FBXL7: variants seen among roughly 807,000 people sequenced by gnomAD.
FBXL7 encodes the protein F-box/LRR-repeat protein 7.
FBXL7 carries 12 observed loss-of-function variants against 38.3 expected under a neutral mutation model. The ratio of observed to expected loss-of-function variants is 0.31; its 90% confidence interval spans 0.20 to 0.51. FBXL7 has a LOEUF of 0.51. Ranked by LOEUF, FBXL7 falls within the 20% of genes least tolerant of loss-of-function variation. The probability of loss-of-function intolerance (pLI) is 0.98; values close to 1 mark genes in which losing one functional copy is unlikely to be tolerated. For missense variants in FBXL7, 567 were observed against 676.4 expected, an observed-to-expected ratio of 0.84 and a Z score of 1.79; for synonymous variants, 297 against 300.9, an observed-to-expected ratio of 0.99 and a Z score of 0.13.
At chr5:15,625,248 T>A (rs1463021898) in intron 2 of FBXL7, among the ~76,000 whole-genome samples, 3 of 152,188 alleles carry the variant, frequency 2.0e-5, no homozygotes, top group African/African-American at 7.2e-5. Flanking sequence ...TCTTAACACA[T>A]GGCAGTCAGA....
chr5:15,881,475 T>C (rs1740448874), intron 2 of FBXL7, among the ~76,000 whole-genome samples: 1 of 152,274 alleles, frequency 6.6e-6, no homozygotes, highest in African/African-American at 2.4e-5. Flanking sequence ...CAGATTATGC[T>C]GCTATAAATA....
chr5:15,937,256 A>G lies in FBXL7; in HGVS notation c.*70A>G, dbSNP rs1279748543. On this transcript the variant is annotated 3_prime_UTR_variant, in exon 4 of 4. Transcript: ENST00000504595. ...AAGCAAATTTTTTTAAAAGCAGCGT[A>G]TGTAAGCACCGACACCCACTCAAAA... 2.8e-6 allele frequency: 4 copies of G among 1,446,280 alleles called. No homozygotes were observed. Among genetic ancestry groups the G allele is most frequent in the African/African-American group, 1.4e-5 (1 of 70,376 alleles). 89.6% of individuals were successfully genotyped at this position (1,446,280 alleles called of 1,614,324 possible). A position where few individuals can be genotyped will look rare whatever the true frequency, so the allele number is the denominator to read the frequency against.
intron 2 of FBXL7, among the ~76,000 whole-genome samples, chr5:15,650,034 C>T (rs1470582610): frequency 6.6e-6 from 1 of 152,220 alleles, no homozygotes; most frequent in Non-Finnish European, 1.5e-5. Flanking sequence ...TAGAGCCGCA[C>T]TAAAAGTCAC....
intron 2 of FBXL7, among the ~76,000 whole-genome samples, chr5:15,722,538 G>A (rs17524082): frequency 0.096 from 14,577 of 152,200 alleles, 767 homozygotes; most frequent in South Asian, 0.15. Flanking sequence ...GGGTTGGAAT[G>A]AAGTGCAGTG....
intron 2 of FBXL7, among the ~76,000 whole-genome samples, chr5:15,746,821 TAAATC>T (rs1347078440): frequency 1.3e-5 from 2 of 152,010 alleles, no homozygotes; most frequent in South Asian, 2.1e-4. Flanking sequence ...ACAATAAAAA[TAAATC>T]TAAGGGAAAA....
chr5:15,692,361 C>T (rs141255514), intron 2 of FBXL7, among the ~76,000 whole-genome samples: 705 of 152,278 alleles, frequency 4.6e-3, no homozygotes, highest in Middle Eastern at 0.024. Context: ...AAAAAGTGGA[C>T]CTTTCTAATC....
chr5:15,866,561 A>C (rs551039853), intron 2 of FBXL7, among the ~76,000 whole-genome samples: 204 of 152,244 alleles, frequency 1.3e-3, no homozygotes, highest in Middle Eastern at 3.4e-3. Flanking sequence ...TCTAAAAAAA[A>C]ATGGGATACA....
intron 2 of FBXL7, among the ~76,000 whole-genome samples, chr5:15,842,166 G>C (rs1477419825): frequency 1.3e-5 from 2 of 152,312 alleles, no homozygotes; most frequent in Non-Finnish European, 2.9e-5. Flanking sequence ...GCTGAACCCT[G>C]CAAAACCACA....
chr5:15,784,717 C>T (rs1312028709), intron 2 of FBXL7, among the ~76,000 whole-genome samples: 1 of 152,118 alleles, frequency 6.6e-6, no homozygotes, highest in African/African-American at 2.4e-5. Context: ...CCTGCTTCAC[C>T]TTCTGCTGTG....
intron 2 of FBXL7, among the ~76,000 whole-genome samples, chr5:15,731,646 T>C (rs1735588020): frequency 6.6e-6 from 1 of 152,210 alleles, no homozygotes; most frequent in South Asian, 2.1e-4. Flanking sequence ...GGTAAGTCCA[T>C]GCAGAGTGTA....
chr5:15,846,554 C>T (rs531909943), intron 2 of FBXL7, among the ~76,000 whole-genome samples: 2 of 152,254 alleles, frequency 1.3e-5, no homozygotes, highest in South Asian at 4.1e-4. Flanking sequence ...CAAAGGAAAG[C>T]CAAGAAAATA....
At chr5:15,668,980 T>C (rs1742373263) in intron 2 of FBXL7, among the ~76,000 whole-genome samples, 1 of 152,220 alleles carries the variant, frequency 6.6e-6, no homozygotes, top group South Asian at 2.1e-4. Context: ...ACATATACAA[T>C]GCTTAGAGTG....
At chr5:15,862,210 T>C (rs563475118) in intron 2 of FBXL7, among the ~76,000 whole-genome samples, 1 of 152,308 alleles carries the variant, frequency 6.6e-6, no homozygotes, top group African/African-American at 2.4e-5. Context: ...CATACTGTTC[T>C]CGTGGTAGTG....
At chr5:15,668,410 T>TG (rs1364424138) in intron 2 of FBXL7, among the ~76,000 whole-genome samples, 4 of 142,690 alleles carry the variant, frequency 2.8e-5, no homozygotes, top group Non-Finnish European at 4.7e-5. Context: ...GTGTGTGTGT[T>TG]TTCATGGCTC....
intron 2 of FBXL7, among the ~76,000 whole-genome samples, chr5:15,918,036 C>G (rs113979990): frequency 6.6e-6 from 1 of 151,892 alleles, no homozygotes; most frequent in Admixed American, 6.6e-5. Context: ...GTCAGGAGTT[C>G]GAAGCCAGCC....
intron 1 of FBXL7, among the ~76,000 whole-genome samples, chr5:15,600,737 G>T (rs527766800): frequency 1.3e-5 from 2 of 152,248 alleles, no homozygotes; most frequent in African/African-American, 4.8e-5. Flanking sequence ...ATGAAAGGAG[G>T]AGAATCAATG....
At chr5:15,914,047 C>T (rs1741515871) in intron 2 of FBXL7, among the ~76,000 whole-genome samples, 1 of 152,142 alleles carries the variant, frequency 6.6e-6, no homozygotes, top group Admixed American at 6.5e-5. Context: ...AAGTGTTACT[C>T]ATTTTTATTT....
chr5:15,903,978 T>C (rs966247136), intron 2 of FBXL7, among the ~76,000 whole-genome samples: 1 of 152,152 alleles, frequency 6.6e-6, no homozygotes, highest in African/African-American at 2.4e-5. Flanking sequence ...ATAATGGTTA[T>C]TTCAGGGATC....
chr5:15,590,296 C>G (rs1739432476), intron 1 of FBXL7, among the ~76,000 whole-genome samples: 1 of 152,088 alleles, frequency 6.6e-6, no homozygotes, highest in African/African-American at 2.4e-5. Flanking sequence ...TTATTTTCAA[C>G]CATCATTGCT....
Sources: gnomAD v4.1 joint callset for allele counts (sites outside exome capture counted in the v4.1 genomes callset) on GRCh38, gnomAD v4.1.1 for gene constraint, MANE v1.5 for transcripts, NCBI Gene and HGNC (gene_info 2026-07-23, HGNC 2026-07-21) for gene names.